Variants in TSC22D1 observed in about 807,000 individuals in gnomAD.
TSC22D1 encodes the protein TSC22 domain family protein 1.
Under a neutral mutation model 74.2 loss-of-function variants are expected in TSC22D1, and 9 were observed. That is an observed-to-expected ratio of 0.12 (90% CI 0.07 to 0.21). The LOEUF (loss-of-function observed/expected upper bound fraction) is 0.21, where lower values mean the gene tolerates loss of function less well. Among genes scored for constraint, TSC22D1 ranks in the 10% least tolerant of loss-of-function variants. TSC22D1 has a pLI of 1.00. For synonymous variants in TSC22D1, 586 were observed against 492.5 expected, an observed-to-expected ratio of 1.19 and a Z score of -2.51; for missense variants, 1,427 against 1,304.7, an observed-to-expected ratio of 1.09 and a Z score of -1.44.
At chr13:44,492,339 C>G (rs1264558242) in intron 1 of TSC22D1, among the ~76,000 whole-genome samples, 2 of 152,092 alleles carry the variant, frequency 1.3e-5, no homozygotes, top group Admixed American at 6.6e-5. Context: ...TTATTGAATA[C>G]TCAAAGTGAA....
chr13:44,501,156 C>A (rs889621122), intron 1 of TSC22D1, among the ~76,000 whole-genome samples: 1 of 152,050 alleles, frequency 6.6e-6, no homozygotes. Context: ...GGTGGTGAAC[C>A]AATAGCAAGC....
rs544851110 is a variant in TSC22D1 at position 44,492,844 on chromosome 13, C to CA, written c.2913-56750dup. Reference sequence around the variant, plus strand: ...TTTACATGAATCCCATAACAAATGACAAAAAAAACTTCTTAAAATACATAA... The same window carrying CA: ...TTTACATGAATCCCATAACAAATGACAAAAAAAAACTTCTTAAAATACATAA... On this transcript the variant is annotated intron_variant, in intron 1 of 2. Transcript: ENST00000458659. 6.1e-4 allele frequency among the ~76,000 whole-genome samples: 92 copies of CA among 151,634 alleles called. No individual in the cohort carries two copies. In the Middle Eastern group the frequency reaches 0.017, roughly 28 times the overall value.
chr13:44,445,091 C>T (rs547757752), intron 1 of TSC22D1, among the ~76,000 whole-genome samples: 3 of 152,124 alleles, frequency 2.0e-5, no homozygotes, highest in South Asian at 4.1e-4. Flanking sequence ...TCCCTAAACA[C>T]TAAAGCCAGA....
chr13:44,519,567 G>A (rs1001936499), intron 1 of TSC22D1, among the ~76,000 whole-genome samples: 3 of 151,958 alleles, frequency 2.0e-5, no homozygotes, highest in Non-Finnish European at 4.4e-5. Context: ...AGTGGTCAAA[G>A]GTAAGACTGG....
rs767465932 is a variant in TSC22D1, at chr13:44,434,617, C to G, written c.*9G>C. 6.6e-7 allele frequency: 1 copy of G among 1,520,184 alleles called. No homozygotes were observed. 94.2% of individuals were successfully genotyped at this position (1,520,184 alleles called of 1,614,324 possible). ...CACGCAGCAGCCAGTTCTGCGGGGG[C>G]ATAGGCAGCTATGCGGTTGGTCCTG... is the stretch of plus-strand genomic sequence containing the variant. On this transcript the variant is annotated 3_prime_UTR_variant, in exon 3 of 3. Coordinates refer to ENST00000458659, the MANE Select transcript of TSC22D1 (RefSeq NM_183422.4).
chr13:44,472,785 T>C (rs1877681482), intron 1 of TSC22D1, among the ~76,000 whole-genome samples: 2 of 152,178 alleles, frequency 1.3e-5, no homozygotes, highest in South Asian at 4.1e-4. Context: ...GGAAAGGCAA[T>C]TTTCTTTGTT....
At chr13:44,438,691 CT>C (rs1387204556) in intron 1 of TSC22D1, among the ~76,000 whole-genome samples, 1 of 151,646 alleles carries the variant, frequency 6.6e-6, no homozygotes, top group East Asian at 1.9e-4. Context: ...TCATATGATG[CT>C]TTAAAAAAAA....
chr13:44,492,192 A>G (rs1878759129), intron 1 of TSC22D1, among the ~76,000 whole-genome samples: 2 of 149,150 alleles, frequency 1.3e-5, no homozygotes, highest in African/African-American at 5.2e-5. Flanking sequence ...AATACAGTTA[A>G]ATAGCTAGCT....
At chr13:44,555,616 A>G (rs541777383) in intron 1 of TSC22D1, among the ~76,000 whole-genome samples, 11 of 152,030 alleles carry the variant, frequency 7.2e-5, no homozygotes, top group Non-Finnish European at 1.6e-4. Context: ...AAAATAAATA[A>G]ATAAATAAAT....
chr13:44,525,889 C>G (rs1046476473), intron 1 of TSC22D1, among the ~76,000 whole-genome samples: 3 of 151,642 alleles, frequency 2.0e-5, no homozygotes, highest in East Asian at 3.9e-4. Flanking sequence ...CTGCCTTGAT[C>G]TCAGGAGTTT....
At chr13:44,523,495 T>A (rs1267736890) in intron 1 of TSC22D1, among the ~76,000 whole-genome samples, 1 of 152,108 alleles carries the variant, frequency 6.6e-6, no homozygotes, top group Non-Finnish European at 1.5e-5. Flanking sequence ...AAAACTTTCA[T>A]ATTGCTAAGT....
intron 1 of TSC22D1, among the ~76,000 whole-genome samples, chr13:44,440,973 T>A (rs185516015): frequency 4.5e-4 from 68 of 152,360 alleles, no homozygotes; most frequent in African/African-American, 1.3e-3. Context: ...AGAGTTTTTT[T>A]ATCCAGAATT....
intron 1 of TSC22D1, among the ~76,000 whole-genome samples, chr13:44,544,563 G>A (rs957494103): frequency 1.3e-5 from 2 of 149,254 alleles, no homozygotes; most frequent in East Asian, 3.9e-4. Flanking sequence ...AAAAACCAAC[G>A]GGAAGGAAGT....
intron 1 of TSC22D1, among the ~76,000 whole-genome samples, chr13:44,524,934 G>A (rs1880479448): frequency 6.6e-6 from 1 of 152,076 alleles, no homozygotes; most frequent in Non-Finnish European, 1.5e-5. Flanking sequence ...AAGGAAAAAA[G>A]GAAAAAGTAA....
upstream of TSC22D1, chr13:44,576,422 G>C (rs1884257079): frequency 4.5e-6 from 1 of 223,676 alleles, no homozygotes; most frequent in Non-Finnish European, 8.7e-6. Flanking sequence ...GAGGAAAAGC[G>C]AGAAATGCCC....
rs753588795 is a variant in TSC22D1 at position 44,575,638 on chromosome 13, G to A, written c.437C>T (p.Thr146Met). ...GATCTCCGAAGAAGAGAGATCTTCC[G>A]TGTGAGATTCATCCAGATCATCATA... ...ESYDDLDESHTEDLSSSEILD... is the reference protein window; with the variant it reads ...ESYDDLDESHMEDLSSSEILD... The change falls in exon 1 of 3, where the codon ACG becomes ATG. Residue 146 changes from threonine (T) to methionine (M), a missense_variant. This residue lies in a region of TSC22D1 where 1,343 missense variants were observed against 1,191.5 expected (regional missense o/e 1.13). Transcript: ENST00000458659. 13 of 1,614,062 alleles carry A rather than the reference G, an allele frequency of 8.1e-6. No homozygotes were observed. The highest frequency in any genetic ancestry group is 1.0e-5 in the Non-Finnish European group (12 of 1,180,032).
intron 1 of TSC22D1, among the ~76,000 whole-genome samples, chr13:44,467,354 C>T (rs1175074677): frequency 1.3e-5 from 2 of 152,066 alleles, no homozygotes; most frequent in African/African-American, 2.4e-5. Flanking sequence ...TAATTTATCA[C>T]TAAGATCCCA....
At chr13:44,572,543 A>C (rs780985913) in intron 1 of TSC22D1, among the ~76,000 whole-genome samples, 1 of 152,206 alleles carries the variant, frequency 6.6e-6, no homozygotes, top group Non-Finnish European at 1.5e-5. Context: ...TTGATAGTTT[A>C]TGTCCTCCTT....
chr13:44,478,555 G>A (rs1878029853), intron 1 of TSC22D1, among the ~76,000 whole-genome samples: 1 of 151,980 alleles, frequency 6.6e-6, no homozygotes, highest in African/African-American at 2.4e-5. Flanking sequence ...AATCTGGGGG[G>A]GAAGGGTAAA....
Sources: gnomAD v4.1 joint callset for allele counts (sites outside exome capture counted in the v4.1 genomes callset) on GRCh38, gnomAD v4.1.1 for gene constraint, gnomAD v4.1.1 regional missense constraint, MANE v1.5 for transcripts, NCBI Gene and HGNC (gene_info 2026-07-23, HGNC 2026-07-21) for gene names.